Variants in UPF2 observed in about 807,000 individuals in gnomAD.
UPF2 encodes regulator of nonsense transcripts 2.
In UPF2, 17 loss-of-function variants were observed where a neutral mutation model predicts 141.4. That is an observed-to-expected ratio of 0.12 (90% CI 0.08 to 0.18). The LOEUF (loss-of-function observed/expected upper bound fraction) is 0.18. Ranked by LOEUF, UPF2 falls within the 10% of genes least tolerant of loss-of-function variation. The pLI, the probability that UPF2 is intolerant of heterozygous loss-of-function variation, is 1.00. For missense variants in UPF2, 1,152 were observed against 1,515.9 expected, an observed-to-expected ratio of 0.76 and a Z score of 3.99; for synonymous variants, 540 against 498.0, an observed-to-expected ratio of 1.08 and a Z score of -1.12.
At chr10:11,963,081 G>C (rs1428673585) in intron 11 of UPF2, among the ~76,000 whole-genome samples, 2 of 151,954 alleles carry the variant, frequency 1.3e-5, no homozygotes, top group African/African-American at 4.8e-5. Flanking sequence ...TATATTCCAA[G>C]GGTCTAGCAC....
At chr10:11,985,379 T>A (rs906586207) in intron 8 of UPF2, among the ~76,000 whole-genome samples, 1 of 152,188 alleles carries the variant, frequency 6.6e-6, no homozygotes, top group African/African-American at 2.4e-5. Context: ...GGCTCACGCC[T>A]GTAATCCCAG....
At chr10:12,012,048 C>A (rs1271815936) in intron 4 of UPF2, among the ~76,000 whole-genome samples, 1 of 151,668 alleles carries the variant, frequency 6.6e-6, no homozygotes, top group Non-Finnish European at 1.5e-5. Context: ...AAAGAAACCA[C>A]CTAAATCAAT....
intron 4 of UPF2, among the ~76,000 whole-genome samples, chr10:12,010,955 A>C (rs917178834): frequency 6.6e-6 from 1 of 151,968 alleles, no homozygotes; most frequent in African/African-American, 2.4e-5. Context: ...AGAAAAAAAA[A>C]CTCTTGCCCT....
intron 10 of UPF2, 70 bp downstream of exon 10, chr10:11,967,271 C>T (rs1833336230): frequency 4.5e-6 from 4 of 894,314 alleles, no homozygotes; most frequent in East Asian, 6.3e-5. Flanking sequence ...AATTATTTCA[C>T]TTTATCCACC....
intron 6 of UPF2, among the ~76,000 whole-genome samples, chr10:12,000,575 T>A (rs1272998768): frequency 6.6e-6 from 1 of 151,648 alleles, no homozygotes; most frequent in African/African-American, 2.4e-5. Flanking sequence ...AGGCCAGGAG[T>A]CCAAGACCAG....
intron 1 of UPF2, among the ~76,000 whole-genome samples, chr10:12,037,360 G>GT (rs970013833): frequency 1.3e-4 from 20 of 149,438 alleles, no homozygotes; most frequent in African/African-American, 4.7e-4. Flanking sequence ...GGGATTACAG[G>GT]TATGAGCCAC....
At chr10:11,937,386 C>T (rs992839903) in intron 18 of UPF2, among the ~76,000 whole-genome samples, 9 of 152,186 alleles carry the variant, frequency 5.9e-5, no homozygotes, top group African/African-American at 2.2e-4. Context: ...GATGATGATA[C>T]ATCATAGGTG....
At chr10:11,997,811 G>T in intron 7 of UPF2, 54 bp from the exon 8 acceptor site, 1 of 1,470,532 alleles carries the variant, frequency 6.8e-7, no homozygotes, top group Non-Finnish European at 9.5e-7. Context: ...GTTACGGAGA[G>T]CAGAAATCCT....
chr10:11,938,842 G>GTTTTTTTTTCTTTTTTTT (rs1832887074), intron 18 of UPF2, among the ~76,000 whole-genome samples: 1 of 45,862 alleles, frequency 2.2e-5, no homozygotes, highest in African/African-American at 7.0e-5. Context: ...TCTTAAGCAA[G>GTTTTTTTTTCTTTTTTTT]TTTTTTTTTT....
chr10:12,022,164 C>T (rs1834329483), intron 3 of UPF2, among the ~76,000 whole-genome samples: 1 of 150,728 alleles, frequency 6.6e-6, no homozygotes, highest in Middle Eastern at 3.5e-3. Context: ...GTAATCCTAC[C>T]ACTTTGGGAG....
At chr10:12,011,387 T>C (rs1387867664) in intron 4 of UPF2, among the ~76,000 whole-genome samples, 1 of 151,910 alleles carries the variant, frequency 6.6e-6, no homozygotes, top group South Asian at 2.1e-4. Flanking sequence ...TCACTTGAGC[T>C]CAAAGTTCGA....
chr10:12,035,611 T>C (rs1216465097), intron 1 of UPF2, 170 bp from the exon 2 acceptor site: 4 of 688,330 alleles, frequency 5.8e-6, no homozygotes, highest in African/African-American at 1.9e-5. Flanking sequence ...TTCATCACAT[T>C]CCACATCCTA....
chr10:11,930,134 T>A, intron 20 of UPF2, 149 bp from the exon 21 acceptor site: 1 of 1,115,572 alleles, frequency 9.0e-7, no homozygotes. Context: ...ACTAAAATGA[T>A]TAAGAAGTTT....
chr10:11,995,963 TGACTCCTCA>T (rs1385049315), intron 8 of UPF2, among the ~76,000 whole-genome samples: 1 of 152,164 alleles, frequency 6.6e-6, no homozygotes, highest in Non-Finnish European at 1.5e-5. Context: ...CAGTCTTCTC[TGACTCCTCA>T]GACTCAATCA....
At chr10:11,952,766 G>A (rs372581023) in intron 14 of UPF2, among the ~76,000 whole-genome samples, 18 of 151,976 alleles carry the variant, frequency 1.2e-4, no homozygotes, top group East Asian at 1.2e-3. Context: ...GAGCCACTGC[G>A]CCCGGCCCTA....
intron 8 of UPF2, among the ~76,000 whole-genome samples, chr10:11,984,567 C>CT (rs953599899): frequency 1.3e-5 from 2 of 152,052 alleles, no homozygotes; most frequent in Admixed American, 1.3e-4. Flanking sequence ...CACTTTTCTT[C>CT]TTTTTTTCCT....
At chr10:11,955,177 T>C in intron 14 of UPF2, 55 bp downstream of exon 14, 3 of 1,478,424 alleles carry the variant, frequency 2.0e-6, no homozygotes, top group Non-Finnish European at 2.7e-6. Flanking sequence ...AGTATTCTTT[T>C]AAAACACATG....
intron 7 of UPF2, 111 bp downstream of exon 7, chr10:11,999,795 A>T: frequency 1.2e-6 from 1 of 862,540 alleles, no homozygotes; most frequent in Middle Eastern, 2.2e-4. Context: ...CTTTATTTGA[A>T]GAAATGGTGG....
intron 4 of UPF2, among the ~76,000 whole-genome samples, chr10:12,012,314 G>A (rs1270644188): frequency 2.0e-5 from 3 of 151,788 alleles, no homozygotes; most frequent in Non-Finnish European, 4.4e-5. Flanking sequence ...CACCTGCCCT[G>A]GCCTCCCAAA....
Sources: allele counts gnomAD v4.1 joint callset (sites outside exome capture counted in the v4.1 genomes callset), GRCh38; gene constraint gnomAD v4.1.1; transcripts MANE v1.5; gene names NCBI Gene and HGNC (gene_info 2026-07-23, HGNC 2026-07-21).